The following CSMD1 variants were observed in gnomAD, a reference collection of about 807,000 sequenced individuals.
CSMD1 encodes CUB and sushi domain-containing protein 1.
Under a neutral mutation model 417.5 loss-of-function variants are expected in CSMD1, and 213 were observed. That is an observed-to-expected ratio of 0.51 (90% CI 0.46 to 0.57). CSMD1 has a LOEUF of 0.57. Among genes scored for constraint, CSMD1 ranks in the 20% least tolerant of loss-of-function variants. The probability of loss-of-function intolerance (pLI) is 0.00; values close to 1 mark genes in which losing one functional copy is unlikely to be tolerated. For missense variants in CSMD1, 6,923 were observed against 4,529.7 expected (o/e 1.53, Z -15.17); for synonymous variants, 2,862 against 1,736.8 (o/e 1.65, Z -16.11).
At chr8:3,801,414 G>A (rs1800454056) in intron 5 of CSMD1, among the ~76,000 whole-genome samples, 1 of 152,198 alleles carries the variant, frequency 6.6e-6, no homozygotes, top group East Asian at 1.9e-4. Context: ...AGTGAGAAAA[G>A]CCACAATGAG....
intron 49 of CSMD1, among the ~76,000 whole-genome samples, chr8:3,083,381 G>A (rs996747856): frequency 1.3e-4 from 20 of 151,348 alleles, no homozygotes; most frequent in African/African-American, 3.4e-4. Context: ...GCAACACATC[G>A]TTGATAATCA....
At chr8:3,102,989 C>A (rs990033299) in intron 46 of CSMD1, among the ~76,000 whole-genome samples, 2 of 152,190 alleles carry the variant, frequency 1.3e-5, no homozygotes, top group African/African-American at 4.8e-5. Context: ...GCTCCCCAAA[C>A]CTTTGTGATT....
At chr8:4,232,654 C>T (rs1801812809) in intron 3 of CSMD1, among the ~76,000 whole-genome samples, 1 of 152,094 alleles carries the variant, frequency 6.6e-6, no homozygotes, top group African/African-American at 2.4e-5. Context: ...CTAAATCTTA[C>T]TTTCTTAACT....
At chr8:4,363,076 G>C (rs965974347) in intron 3 of CSMD1, among the ~76,000 whole-genome samples, 2 of 152,152 alleles carry the variant, frequency 1.3e-5, no homozygotes, top group Non-Finnish European at 2.9e-5. Flanking sequence ...CTTCAGAGCA[G>C]CCAGGTCACA....
At chr8:4,671,947 C>A (rs1805357278) in intron 1 of CSMD1, among the ~76,000 whole-genome samples, 1 of 152,184 alleles carries the variant, frequency 6.6e-6, no homozygotes, top group Admixed American at 6.5e-5. Context: ...CAGTAGGGAG[C>A]AGCACCTCGC....
chr8:3,275,260 G>T (rs994955729), intron 26 of CSMD1, among the ~76,000 whole-genome samples: 1 of 152,130 alleles, frequency 6.6e-6, no homozygotes, highest in Non-Finnish European at 1.5e-5. Context: ...ATTGGCCACC[G>T]CTCTCTTCTG....
At chr8:3,759,970 C>T (rs1443251839) in intron 5 of CSMD1, among the ~76,000 whole-genome samples, 7 of 151,780 alleles carry the variant, frequency 4.6e-5, no homozygotes, top group South Asian at 2.1e-4. Context: ...AATGTCTTCC[C>T]GCATTAATTC....
chr8:3,425,493 C>A (rs148420538), intron 12 of CSMD1, among the ~76,000 whole-genome samples: 1 of 147,942 alleles, frequency 6.8e-6, no homozygotes, highest in Non-Finnish European at 1.5e-5. Context: ...GAGGCTGAGG[C>A]AGGAGAACCG....
chr8:4,539,833 T>C (rs1285692661), intron 2 of CSMD1, among the ~76,000 whole-genome samples: 2 of 152,172 alleles, frequency 1.3e-5, no homozygotes, highest in African/African-American at 4.8e-5. Flanking sequence ...GTGTATGAAA[T>C]AGTTTTCCCA....
At chr8:4,172,660 T>C (rs751508370) in intron 3 of CSMD1, among the ~76,000 whole-genome samples, 3 of 152,228 alleles carry the variant, frequency 2.0e-5, no homozygotes, top group Non-Finnish European at 4.4e-5. Context: ...CCCTTAAATA[T>C]GGGCTGGACC....
chr8:3,845,391 C>G (rs978417398), intron 5 of CSMD1, among the ~76,000 whole-genome samples: 1 of 152,170 alleles, frequency 6.6e-6, no homozygotes, highest in South Asian at 2.1e-4. Flanking sequence ...GCCCTGAATA[C>G]TGAAGGCAAT....
chr8:4,942,706 A>G (rs1808091317), intron 1 of CSMD1, among the ~76,000 whole-genome samples: 1 of 152,196 alleles, frequency 6.6e-6, no homozygotes, highest in Non-Finnish European at 1.5e-5. Flanking sequence ...TTTGGCAGAC[A>G]CAGAATCAGT....
At chr8:3,119,291 G>A (rs571701892) in intron 41 of CSMD1, among the ~76,000 whole-genome samples, 15 of 147,852 alleles carry the variant, frequency 1.0e-4, no homozygotes, top group African/African-American at 3.4e-4. Flanking sequence ...TATACTACCA[G>A]TCTGAGTACT....
intron 3 of CSMD1, among the ~76,000 whole-genome samples, chr8:4,080,577 T>A (rs1460648864): frequency 6.6e-6 from 1 of 152,200 alleles, no homozygotes. Context: ...TATTGCATAT[T>A]TATGTATGAT....
At chr8:2,976,492 T>C (rs1049238019) in intron 55 of CSMD1, among the ~76,000 whole-genome samples, 1 of 152,144 alleles carries the variant, frequency 6.6e-6, no homozygotes, top group African/African-American at 2.4e-5. Context: ...ACTATAGGCA[T>C]GTGCCACCAT....
intron 10 of CSMD1, among the ~76,000 whole-genome samples, chr8:3,494,826 A>T (rs1035680231): frequency 6.6e-6 from 1 of 152,214 alleles, no homozygotes; most frequent in South Asian, 2.1e-4. Flanking sequence ...TTTAGAATGA[A>T]ACAGAAATTC....
intron 25 of CSMD1, among the ~76,000 whole-genome samples, chr8:3,304,659 A>AGAAAATTTTTCAAGGTCAGTTCATG (rs1335123539): frequency 1.3e-5 from 2 of 152,168 alleles, no homozygotes; most frequent in Non-Finnish European, 2.9e-5. Context: ...ACGTATACGA[A>AGAAAATTTTTCAAGGTCAGTTCATG]GAAAATTTTT....
intron 1 of CSMD1, among the ~76,000 whole-genome samples, chr8:4,988,043 C>T (rs760236364): frequency 9.2e-5 from 14 of 152,118 alleles, no homozygotes; most frequent in Non-Finnish European, 1.8e-4. Flanking sequence ...ATAAACTCCC[C>T]TTTATATATA....
intron 2 of CSMD1, among the ~76,000 whole-genome samples, chr8:4,461,213 C>G (rs565426551): frequency 2.0e-5 from 3 of 151,932 alleles, no homozygotes; most frequent in East Asian, 1.9e-4. Flanking sequence ...AAACAATTAA[C>G]TAGCAATGGG....
Sources: allele counts gnomAD v4.1 joint callset (sites outside exome capture counted in the v4.1 genomes callset), GRCh38; gene constraint gnomAD v4.1.1; transcripts MANE v1.5; gene names NCBI Gene and HGNC (gene_info 2026-07-23, HGNC 2026-07-21).